STKLD1: variants seen among roughly 807,000 people sequenced by gnomAD.
STKLD1 encodes serine/threonine kinase like domain containing 1, also known as serine/threonine kinase-like domain-containing protein STKLD1.
Under a neutral mutation model 80.4 loss-of-function variants are expected in STKLD1, and 79 were observed. That is an observed-to-expected ratio of 0.98 (90% CI 0.82 to 1.19). STKLD1 has a LOEUF of 1.19. Ranked by LOEUF, STKLD1 falls within the 50% of genes most tolerant of loss-of-function variation. The pLI, the probability that STKLD1 is intolerant of heterozygous loss-of-function variation, is 0.00. For synonymous variants in STKLD1, 393 were observed against 357.6 expected (o/e 1.10, Z -1.12); for missense variants, 841 against 856.0 (o/e 0.98, Z 0.22).
rs587733991 is a variant in STKLD1, at chr9:133,403,904, C to A, written c.1604-16C>A. On this transcript the variant is annotated splice_polypyrimidine_tract_variant and intron_variant, in intron 15 of 17. Transcript: ENST00000371957. ...ATGGCACAGCAGGCACAAGGCAGCC[C>A]GGCCCCTTTCTGCAGGCTGCATCAA... 1 of 1,606,570 alleles carries A rather than the reference C, an allele frequency of 6.2e-7. No homozygotes were observed. The highest frequency in any genetic ancestry group is 1.1e-5 in the South Asian group (1 of 90,480).
intron 10 of STKLD1, 23 bp downstream of exon 10, chr9:133,397,317 G>A: frequency 6.2e-7 from 1 of 1,611,442 alleles, no homozygotes; most frequent in Non-Finnish European, 8.5e-7. Flanking sequence ...ACACAAAGGG[G>A]GAGCGTGCCC....
intron 4 of STKLD1, among the ~76,000 whole-genome samples, chr9:133,387,223 C>T (rs185423896): frequency 1.3e-5 from 2 of 152,242 alleles, no homozygotes; most frequent in East Asian, 3.9e-4. Flanking sequence ...GTCCAAGTAG[C>T]TTGGTGTGGA....
intron 5 of STKLD1, chr9:133,387,925 G>A: frequency 2.2e-6 from 1 of 451,212 alleles, no homozygotes; most frequent in South Asian, 1.6e-5. Flanking sequence ...CGGTGCTGCT[G>A]CATGCACCAG....
In STKLD1 at chr9:133,394,169, G is replaced by A; in HGVS notation, c.584-122G>A. Reference sequence around the variant, plus strand: ...TCTGAGAAGAGGACCTGCAGGGCTTGTGTTTCAAGCTGCTTGCGGGGGGCC... The same window carrying A: ...TCTGAGAAGAGGACCTGCAGGGCTTATGTTTCAAGCTGCTTGCGGGGGGCC... On this transcript the variant is annotated intron_variant, in intron 7 of 17. Transcript: ENST00000371957. This position sits in a 1 kb window ranked among gnomAD's most constrained non-coding sequence, Gnocchi z 4.9. The A allele has an allele frequency of 1.4e-6, 1 of 708,646 alleles. No individual in the cohort carries two copies. The highest frequency in any genetic ancestry group is 2.6e-6 in the Non-Finnish European group (1 of 387,180). 43.9% of individuals were successfully genotyped at this position (708,646 alleles called of 1,614,324 possible). A position where few individuals can be genotyped will look rare whatever the true frequency, so the allele number is the denominator to read the frequency against.
In STKLD1 at chr9:133,391,465, T is replaced by C. The variant is rs2130289729; in HGVS notation, c.583+669T>C. Among the ~76,000 whole-genome samples, 1,114 of 151,306 alleles carry C rather than the reference T, an allele frequency of 7.4e-3. 21 individuals are homozygous for C. The highest frequency in any genetic ancestry group is 0.025 in the African/African-American group (1,042 of 41,004). Reference sequence around the variant, plus strand: ...AAAGATTGAGAAATCGGATGGTTGCTGTGTCTGTGTAGAAAGAAGTAGACA... The same window carrying C: ...AAAGATTGAGAAATCGGATGGTTGCCGTGTCTGTGTAGAAAGAAGTAGACA... On this transcript the variant is annotated intron_variant, in intron 7 of 17. Transcript: ENST00000371957.
At position 133,385,530 on chromosome 9, in the gene STKLD1, T is replaced by G; in HGVS notation, c.220-87T>G. On this transcript the variant is annotated intron_variant, in intron 3 of 17. Transcript: ENST00000371957. This position sits in a 1 kb window ranked among gnomAD's most constrained non-coding sequence, Gnocchi z 4.9. Reference sequence around the variant, plus strand: ...AGCTCAGAGCCCGAGGCTTGCATGTTTGTTGGGATGTGTGACAGAGAAGCC... The same window carrying G: ...AGCTCAGAGCCCGAGGCTTGCATGTGTGTTGGGATGTGTGACAGAGAAGCC... The G allele has an allele frequency of 4.5e-6, 6 of 1,336,644 alleles. No individual in the cohort carries two copies. Among genetic ancestry groups the G allele is most frequent in the Non-Finnish European group, 6.4e-6 (6 of 938,958 alleles). 82.8% of individuals were successfully genotyped at this position (1,336,644 alleles called of 1,614,324 possible).
chr9:133,399,913 C>T (rs192905983), intron 11 of STKLD1, among the ~76,000 whole-genome samples: 106 of 151,086 alleles, frequency 7.0e-4, no homozygotes, highest in African/African-American at 2.4e-3. Context: ...GGTCTTGCTT[C>T]GCTCCACACT....
Position 133,385,922 on chromosome 9 carries a change from GT to G in STKLD1, c.294+245del, listed in dbSNP as rs2130276032. Among the ~76,000 whole-genome samples the G allele has an allele frequency of 1.1e-3, 163 of 143,274 alleles. No homozygotes were observed. The highest frequency in any genetic ancestry group is 1.6e-3 in the East Asian group (8 of 4,970). The allele number at this position is 143,274 out of a possible 152,430, so 94.0% of individuals were successfully genotyped here. On this transcript the variant is annotated intron_variant, in intron 4 of 17. Coordinates refer to ENST00000371957, the MANE Select transcript of STKLD1 (RefSeq NM_153710.5). The surrounding 1 kb of genome is among the most constrained non-coding windows in gnomAD (Gnocchi z 4.9). ...CCCCAAAAACCTCATCGTCAGGAGA[GT>G]TTTTTTTTTTTTTGGACAAAGTCTC...
rs1049764976 is a variant in STKLD1, at chr9:133,399,018, A to C, written c.1081+963A>C. On this transcript the variant is annotated intron_variant, in intron 11 of 17. Transcript: ENST00000371957. ...CAGGTGTGTGCCACCACACCCAGCT[A>C]ATTTTTCGTATTTTTATTAGAGAGG... 1.8e-4 allele frequency among the ~76,000 whole-genome samples: 27 copies of C among 152,100 alleles called. No homozygotes were observed. In the East Asian group the frequency reaches 5.2e-3, roughly 29 times the overall value.
chr9:133,378,119 G>A (rs1838044229), intron 1 of STKLD1, among the ~76,000 whole-genome samples: 1 of 152,196 alleles, frequency 6.6e-6, no homozygotes, highest in East Asian at 1.9e-4. Flanking sequence ...TCCACTGCCT[G>A]CTGCTCACCT....
At position 133,390,650 on chromosome 9, in the gene STKLD1, A is replaced by G. The variant is rs2130286894; in HGVS notation, c.468-31A>G. On this transcript the variant is annotated intron_variant, in intron 6 of 17. Coordinates refer to ENST00000371957, the MANE Select transcript of STKLD1 (RefSeq NM_153710.5). The surrounding 1 kb of genome is among the most constrained non-coding windows in gnomAD (Gnocchi z 5.1). ...GTGGCTGCCCAGGTGGCCCCTTGGC[A>G]TCCAGAGGCAAACCCACCTCTTGGT... is the stretch of plus-strand genomic sequence containing the variant. 4 of 1,583,056 alleles carry G rather than the reference A, an allele frequency of 2.5e-6. No individual in the cohort carries two copies. The highest frequency in any genetic ancestry group is 2.2e-5 in the South Asian group (2 of 90,368).
In STKLD1 at chr9:133,389,992, G is replaced by C. The variant is rs1274732402; in HGVS notation, c.467+396G>C. On this transcript the variant is annotated intron_variant, in intron 6 of 17. Coordinates refer to ENST00000371957, the MANE Select transcript of STKLD1 (RefSeq NM_153710.5). The surrounding 1 kb of genome is among the most constrained non-coding windows in gnomAD (Gnocchi z 6.4). ...GCTGGAGAATCCATGGTCTGAAGGG[G>C]CTGGGAGATGGCTCCAATTCTGAAC... Among the ~76,000 whole-genome samples the C allele has an allele frequency of 6.6e-6, 1 of 152,194 alleles. No homozygotes were observed. Among genetic ancestry groups the C allele is most frequent in the Non-Finnish European group, 1.5e-5 (1 of 68,042 alleles).
chr9:133,387,578 G>A (rs2130280107), intron 5 of STKLD1, 30 bp downstream of exon 5: 1 of 1,575,488 alleles, frequency 6.3e-7, no homozygotes, highest in Non-Finnish European at 8.7e-7. Context: ...CAGGCCTGGG[G>A]GCCACCTAGA....
chr9:133,382,757 A>G (rs1373944878), intron 2 of STKLD1, among the ~76,000 whole-genome samples: 1 of 109,600 alleles, frequency 9.1e-6, no homozygotes, highest in Non-Finnish European at 1.9e-5. Flanking sequence ...TGATGATGGT[A>G]ATGATGGTGA....
In STKLD1 at chr9:133,394,229, T is replaced by C; in HGVS notation, c.584-62T>C. 1.7e-6 allele frequency: 2 copies of C among 1,151,378 alleles called. No individual in the cohort carries two copies. Among genetic ancestry groups the C allele is most frequent in the South Asian group, 2.5e-5 (2 of 81,616 alleles). 71.3% of individuals were successfully genotyped at this position (1,151,378 alleles called of 1,614,324 possible). A position where few individuals can be genotyped will look rare whatever the true frequency, so the allele number is the denominator to read the frequency against. The stretch of plus-strand genomic sequence containing the variant: ...GATACAGTGCTGGGCAGGGTGACTC[T>C]GTCAAGCCCCTGCCCCCAGGGAGCA... On this transcript the variant is annotated intron_variant, in intron 7 of 17. Coordinates refer to ENST00000371957, the MANE Select transcript of STKLD1 (RefSeq NM_153710.5). The surrounding 1 kb of genome is among the most constrained non-coding windows in gnomAD (Gnocchi z 4.9).
At chr9:133,382,179 C>A (rs1187577015) in intron 2 of STKLD1, among the ~76,000 whole-genome samples, 1 of 152,192 alleles carries the variant, frequency 6.6e-6, no homozygotes, top group African/African-American at 2.4e-5. Flanking sequence ...GTGGAGACAA[C>A]CTTCCCCATG....
intron 8 of STKLD1, 110 bp from the exon 9 acceptor site, chr9:133,395,490 C>G (rs1452817584): frequency 1.6e-6 from 2 of 1,235,494 alleles, no homozygotes; most frequent in African/African-American, 1.5e-5. Context: ...ACACCTGGCT[C>G]TCCCTGGTCT....
intron 2 of STKLD1, among the ~76,000 whole-genome samples, chr9:133,382,457 GTGA>G (rs1838153733): frequency 6.6e-6 from 1 of 152,170 alleles, no homozygotes; most frequent in Non-Finnish European, 1.5e-5. Context: ...GATGATGGTG[GTGA>G]TGATGGAGGT....
intron 11 of STKLD1, 70 bp from the exon 12 acceptor site, chr9:133,400,343 G>A: frequency 8.8e-7 from 1 of 1,139,958 alleles, no homozygotes; most frequent in Non-Finnish European, 1.3e-6. Flanking sequence ...GCCTCTGGGG[G>A]CCCTGGTCGG....
Sources: gnomAD v4.1 joint callset for allele counts (sites outside exome capture counted in the v4.1 genomes callset) on GRCh38, gnomAD v4.1.1 for gene constraint, Gnocchi (gnomAD v3.1) non-coding constraint, MANE v1.5 for transcripts, NCBI Gene and HGNC (gene_info 2026-07-23, HGNC 2026-07-21) for gene names.